The following RHBDD1 variants were observed in gnomAD, a reference collection of about 807,000 sequenced individuals.
RHBDD1 encodes the protein rhomboid domain containing 1, also known as rhomboid-related protein 4.
RHBDD1 carries 38 observed loss-of-function variants against 36.3 expected under a neutral mutation model. The ratio of observed to expected loss-of-function variants is 1.05; its 90% CI spans 0.81 to 1.37. The LOEUF is 1.37. RHBDD1 is among the 40% of genes most tolerant of loss of function. RHBDD1 has a pLI of 0.00. For synonymous variants in RHBDD1, 151 were observed against 136.5 expected (o/e 1.11, Z -0.74); for missense variants, 393 against 377.6 (o/e 1.04, Z -0.34).
chr2:226,925,088 C>A (rs1575120159), intron 8 of RHBDD1, among the ~76,000 whole-genome samples: 1 of 152,326 alleles, frequency 6.6e-6, no homozygotes, highest in East Asian at 1.9e-4. Flanking sequence ...CACCTCCCTC[C>A]ATCTCACCAC....
intron 3 of RHBDD1, among the ~76,000 whole-genome samples, chr2:226,854,464 C>T (rs548779931): frequency 2.0e-5 from 3 of 152,030 alleles, no homozygotes; most frequent in East Asian, 1.9e-4. Context: ...TATGCTGGCG[C>T]GCGCCTGTAA....
chr2:226,833,052 A>C (rs1940781147), upstream of RHBDD1, among the ~76,000 whole-genome samples: 4 of 152,208 alleles, frequency 2.6e-5, no homozygotes, highest in Admixed American at 2.6e-4. Context: ...TAGCCACTAC[A>C]AATCTCTTAT....
At chr2:226,934,765 G>A (rs549490828) in intron 8 of RHBDD1, among the ~76,000 whole-genome samples, 8 of 151,990 alleles carry the variant, frequency 5.3e-5, no homozygotes, top group African/African-American at 1.9e-4. Flanking sequence ...TTTTCTTTGA[G>A]TCAAAAGGCA....
chr2:226,938,026 C>T (rs906839749), intron 8 of RHBDD1, among the ~76,000 whole-genome samples: 1 of 152,186 alleles, frequency 6.6e-6, no homozygotes, highest in Non-Finnish European at 1.5e-5. Flanking sequence ...TCAGTGTCTT[C>T]CACAATGGCT....
At chr2:226,928,298 A>G (rs1486666031) in intron 8 of RHBDD1, among the ~76,000 whole-genome samples, 1 of 152,114 alleles carries the variant, frequency 6.6e-6, no homozygotes, top group Non-Finnish European at 1.5e-5. Flanking sequence ...GTCATATCAG[A>G]TATCTTCTCA....
At chr2:226,846,448 A>G (rs1268745925) in intron 3 of RHBDD1, among the ~76,000 whole-genome samples, 2 of 152,192 alleles carry the variant, frequency 1.3e-5, no homozygotes, top group African/African-American at 4.8e-5. Context: ...GTTTGATTAA[A>G]GAATGGAAGT....
intron 8 of RHBDD1, among the ~76,000 whole-genome samples, chr2:226,973,161 G>C (rs775166715): frequency 1.5e-4 from 23 of 152,126 alleles, no homozygotes; most frequent in Admixed American, 4.6e-4. Context: ...GTGTGTATGT[G>C]TGTGTACGGA....
chr2:226,965,673 C>T (rs1952568342), intron 8 of RHBDD1, among the ~76,000 whole-genome samples: 1 of 152,106 alleles, frequency 6.6e-6, no homozygotes. Context: ...TTCAGGTTTA[C>T]AGGAATTAGA....
At chr2:226,855,529 G>C (rs988561229) in intron 3 of RHBDD1, among the ~76,000 whole-genome samples, 1 of 152,164 alleles carries the variant, frequency 6.6e-6, no homozygotes, top group Non-Finnish European at 1.5e-5. Flanking sequence ...CTCTAGGTTT[G>C]ATAAATTAAA....
chr2:226,800,582 G>T, the RHBDD1 span, among the ~76,000 whole-genome samples: 1 of 152,176 alleles, frequency 6.6e-6, no homozygotes, highest in African/African-American at 2.4e-5. Context: ...TTGCCCATCC[G>T]TGTGACGGGG....
intron 7 of RHBDD1, among the ~76,000 whole-genome samples, chr2:226,912,915 T>C (rs752863089): frequency 5.2e-4 from 79 of 152,314 alleles, no homozygotes; most frequent in Non-Finnish European, 1.0e-3. Context: ...CTACTTTTCA[T>C]GACCAATATT....
At chr2:226,946,039 T>C (rs1470648134) in intron 8 of RHBDD1, among the ~76,000 whole-genome samples, 1 of 152,232 alleles carries the variant, frequency 6.6e-6, no homozygotes, top group East Asian at 1.9e-4. Context: ...TCATAGACTC[T>C]GGATATTAGC....
In RHBDD1 at chr2:226,867,299, A is replaced by G. The variant is rs760417547; in HGVS notation, c.547A>G (p.Ile183Val). ...TGCTTGTTGGGTCGAACTTGTGGCT[A>G]TTCATTTATTCTCACCAGGGTAAGT... The part of the protein sequence containing the change: ...RFACWVELVA[I>V]HLFSPGTSFA... Residue 183 changes from isoleucine (I) to valine (V), a missense_variant, in exon 5 of 9, where the codon ATT (isoleucine) becomes GTT (valine). Physicochemically the swap from Ile to Val is conservative, Grantham distance 29 (BLOSUM62 3). Transcript: ENST00000392062. 3.7e-6 allele frequency: 6 copies of G among 1,613,476 alleles called. No individual in the cohort carries two copies. The highest frequency in any genetic ancestry group is 1.6e-4 in the Middle Eastern group (1 of 6,062).
chr2:226,968,664 C>T (rs1333954570), intron 8 of RHBDD1, among the ~76,000 whole-genome samples: 1 of 152,198 alleles, frequency 6.6e-6, no homozygotes, highest in Non-Finnish European at 1.5e-5. Flanking sequence ...CTCTCCGAAA[C>T]ATGTGCCATT....
intron 5 of RHBDD1, among the ~76,000 whole-genome samples, chr2:226,887,790 C>T (rs1275215934): frequency 6.6e-6 from 1 of 152,170 alleles, no homozygotes; most frequent in Non-Finnish European, 1.5e-5. Flanking sequence ...TTGCAATGCT[C>T]TTTTGTATTG....
intron 8 of RHBDD1, among the ~76,000 whole-genome samples, chr2:226,959,912 T>C (rs1952058075): frequency 6.6e-6 from 1 of 152,098 alleles, no homozygotes; most frequent in East Asian, 1.9e-4. Context: ...AACCTCTGCC[T>C]CCTGGGTTCA....
chr2:226,816,401 A>G, the RHBDD1 span, among the ~76,000 whole-genome samples: 4 of 151,924 alleles, frequency 2.6e-5, no homozygotes, highest in East Asian at 3.9e-4. Context: ...AAAAAAGAAA[A>G]AAAACAAGTT....
intron 3 of RHBDD1, among the ~76,000 whole-genome samples, chr2:226,844,180 G>A (rs947572306): frequency 2.6e-5 from 4 of 152,162 alleles, no homozygotes; most frequent in Admixed American, 2.0e-4. Flanking sequence ...TAGTTTCTCA[G>A]CACAACTTTT....
chr2:226,939,767 T>C (rs973424970), intron 8 of RHBDD1, among the ~76,000 whole-genome samples: 2 of 152,142 alleles, frequency 1.3e-5, no homozygotes, highest in Non-Finnish European at 2.9e-5. Flanking sequence ...AAAAAATTAC[T>C]TTAAAATTCA....
Sources: gnomAD v4.1 joint callset for allele counts (sites outside exome capture counted in the v4.1 genomes callset) on GRCh38, gnomAD v4.1.1 for gene constraint, MANE v1.5 for transcripts, NCBI Gene and HGNC (gene_info 2026-07-23, HGNC 2026-07-21) for gene names.